Variants in FBXO34 observed in about 807,000 individuals in gnomAD.
FBXO34 encodes the protein F-box protein 34.
FBXO34 carries 12 observed loss-of-function variants against 24.5 expected under a neutral mutation model. The observed-to-expected ratio is 0.49, with a 90% confidence interval of 0.31 to 0.79. The LOEUF is 0.79. Among genes scored for constraint, FBXO34 ranks in the 30% least tolerant of loss-of-function variants. The pLI is 0.04. For missense variants in FBXO34, 823 were observed against 857.7 expected, an observed-to-expected ratio of 0.96 and a Z score of 0.51; for synonymous variants, 320 against 311.9, an observed-to-expected ratio of 1.03 and a Z score of -0.27.
chr14:55,432,134 G>A, the FBXO34 span, among the ~76,000 whole-genome samples: 2 of 151,868 alleles, frequency 1.3e-5, no homozygotes, highest in Non-Finnish European at 2.9e-5. Flanking sequence ...TAGGCCAGAT[G>A]TAGTAGCTCA....
At chr14:55,278,576 G>C (rs989007847) in intron 1 of FBXO34, among the ~76,000 whole-genome samples, 2 of 152,176 alleles carry the variant, frequency 1.3e-5, no homozygotes, top group Non-Finnish European at 2.9e-5. Flanking sequence ...TGCAGCTCAA[G>C]CCCTACAACC....
At chr14:55,336,893 C>CACAT (rs1011701153) in intron 1 of FBXO34, among the ~76,000 whole-genome samples, 1 of 150,050 alleles carries the variant, frequency 6.7e-6, no homozygotes. Context: ...CACACACACA[C>CACAT]ATATATACTA....
the FBXO34 span, among the ~76,000 whole-genome samples, chr14:55,431,934 C>G: frequency 1.3e-5 from 2 of 152,068 alleles, no homozygotes; most frequent in Non-Finnish European, 2.9e-5. Flanking sequence ...CTAAGTGAAT[C>G]AAAATACCAG....
chr14:55,386,140 T>C, the FBXO34 span: 1 of 1,535,478 alleles, frequency 6.5e-7, no homozygotes, highest in Non-Finnish European at 8.9e-7. Context: ...CTGCAAACAG[T>C]TCCTGTGTAC....
chr14:55,325,408 A>G (rs1402215734), intron 1 of FBXO34, among the ~76,000 whole-genome samples: 1 of 151,874 alleles, frequency 6.6e-6, no homozygotes, highest in Admixed American at 6.6e-5. Context: ...AGAGCTGTAC[A>G]TGTTAGAATA....
chr14:55,284,438 G>A (rs980005776), intron 1 of FBXO34, among the ~76,000 whole-genome samples: 4 of 150,866 alleles, frequency 2.7e-5, no homozygotes, highest in Admixed American at 6.6e-5. Context: ...TCTTGAACTC[G>A]GAGGTGGAGG....
intron 1 of FBXO34, among the ~76,000 whole-genome samples, chr14:55,332,676 A>AT (rs1371965727): frequency 2.0e-5 from 3 of 152,280 alleles, no homozygotes; most frequent in Admixed American, 6.5e-5. Flanking sequence ...CATTATTTAG[A>AT]TTTTTTTATA....
intron 1 of FBXO34, among the ~76,000 whole-genome samples, chr14:55,314,589 A>G (rs1255696710): frequency 6.6e-6 from 1 of 152,206 alleles, no homozygotes; most frequent in Non-Finnish European, 1.5e-5. Flanking sequence ...GATTTTGAAT[A>G]TCAGACAGTA....
chr14:55,392,325 C>G, the FBXO34 span, among the ~76,000 whole-genome samples: 1 of 152,088 alleles, frequency 6.6e-6, no homozygotes, highest in African/African-American at 2.4e-5. Context: ...TTGGGGACCC[C>G]TGCCTTAAAG....
At chr14:55,414,499 C>G in the FBXO34 span, 1 of 1,372,390 alleles carries the variant, frequency 7.3e-7, no homozygotes, top group South Asian at 1.3e-5. Context: ...TATAAAAATA[C>G]CAACATTTAC....
At chr14:55,358,089 T>C (rs1016007081), downstream of FBXO34, among the ~76,000 whole-genome samples, 13 of 144,096 alleles carry the variant, frequency 9.0e-5, no homozygotes, top group African/African-American at 3.0e-4. Context: ...AATCCTCCCC[T>C]ATACAGACAA....
chr14:55,438,909 A>G, the FBXO34 span: 1 of 146,974 alleles, frequency 6.8e-6, no homozygotes, highest in South Asian at 2.1e-4. Flanking sequence ...CTCCCACCAA[A>G]AAAAAAAAAA....
At chr14:55,328,088 C>G (rs1396270830) in intron 1 of FBXO34, among the ~76,000 whole-genome samples, 4 of 151,658 alleles carry the variant, frequency 2.6e-5, no homozygotes, top group African/African-American at 7.3e-5. Flanking sequence ...AGTAGAGTAG[C>G]TGGGATTACA....
chr14:55,351,095 T>A lies in FBXO34; in HGVS notation c.705T>A (p.Ile235=). 6.2e-7 allele frequency: 1 copy of A among 1,614,158 alleles called. No individual in the cohort carries two copies. Among genetic ancestry groups the A allele is most frequent in the Non-Finnish European group, 8.5e-7 (1 of 1,180,030 alleles). Residue 235 remains isoleucine, a synonymous_variant, in exon 2 of 2, where the codon ATT becomes ATA. Transcript: ENST00000313833. ...CSKNCTNSPA[I]VRFSGQSRGV... is the part of the protein sequence containing the mutation. ...AAAACTGCACAAACTCACCTGCAAT[T>A]GTGAGGTTTTCTGGCCAATCCAGAG... is the stretch of plus-strand genomic sequence containing the variant.
chr14:55,428,205 C>T, the FBXO34 span, among the ~76,000 whole-genome samples: 1 of 136,856 alleles, frequency 7.3e-6, no homozygotes, highest in Admixed American at 8.4e-5. Flanking sequence ...GGTCGGCTCA[C>T]TGCAAGCTCC....
intron 1 of FBXO34, among the ~76,000 whole-genome samples, chr14:55,335,897 A>G (rs1240909317): frequency 6.6e-6 from 1 of 152,176 alleles, no homozygotes; most frequent in East Asian, 1.9e-4. Flanking sequence ...CTACATCACT[A>G]TTAATATTTT....
chr14:55,345,674 T>C (rs1026127792), intron 1 of FBXO34, among the ~76,000 whole-genome samples: 1 of 152,184 alleles, frequency 6.6e-6, no homozygotes, highest in Non-Finnish European at 1.5e-5. Context: ...TTTATACCAG[T>C]GTCTAGCCCA....
intron 1 of FBXO34, among the ~76,000 whole-genome samples, chr14:55,284,621 CTTT>C (rs60464365): frequency 1.7e-4 from 22 of 126,344 alleles, no homozygotes; most frequent in Non-Finnish European, 2.4e-4. Context: ...AATTTTGTTA[CTTT>C]TTTTTTTTTT....
At chr14:55,414,309 TC>T in the FBXO34 span, 2 of 1,153,176 alleles carry the variant, frequency 1.7e-6, no homozygotes, top group South Asian at 1.4e-5. Flanking sequence ...CGTAGAAGAA[TC>T]CAGCTGTTTC....
Sources: allele counts gnomAD v4.1 joint callset (sites outside exome capture counted in the v4.1 genomes callset), GRCh38; gene constraint gnomAD v4.1.1; transcripts MANE v1.5; gene names NCBI Gene and HGNC (gene_info 2026-07-23, HGNC 2026-07-21).